SSBP2: variants seen among roughly 807,000 people sequenced by gnomAD.
SSBP2 encodes the protein single stranded DNA binding protein 2.
A neutral mutation model predicts 61.8 loss-of-function variants in SSBP2; 17 were observed. That is an observed-to-expected ratio of 0.28 (90% CI 0.19 to 0.41). SSBP2 has a LOEUF of 0.41. SSBP2 is among the 10% of genes least tolerant of loss of function. The probability of loss-of-function intolerance (pLI) is 1.00; values close to 1 mark genes in which losing one functional copy is unlikely to be tolerated. For synonymous variants in SSBP2, 139 were observed against 141.3 expected, an observed-to-expected ratio of 0.98 and a Z score of 0.12; for missense variants, 310 against 458.7, an observed-to-expected ratio of 0.68 and a Z score of 2.96.
chr5:81,514,823 A>G (rs1768889886), intron 4 of SSBP2, among the ~76,000 whole-genome samples: 1 of 152,056 alleles, frequency 6.6e-6, no homozygotes, highest in Non-Finnish European at 1.5e-5. Context: ...ACAGTTGTTA[A>G]TAATTAAGGC....
intron 4 of SSBP2, among the ~76,000 whole-genome samples, chr5:81,561,433 A>T (rs1475220290): frequency 6.6e-6 from 1 of 152,198 alleles, no homozygotes. Context: ...ATCTTAAAAA[A>T]TAATTCTATT....
intron 10 of SSBP2, among the ~76,000 whole-genome samples, chr5:81,453,466 T>C (rs1385949795): frequency 6.7e-6 from 1 of 149,506 alleles, no homozygotes; most frequent in African/African-American, 2.5e-5. Flanking sequence ...CTTTTTTTTT[T>C]TTTTTTTTTT....
intron 4 of SSBP2, among the ~76,000 whole-genome samples, chr5:81,521,428 A>G (rs1214516535): frequency 2.0e-5 from 3 of 151,984 alleles, no homozygotes; most frequent in African/African-American, 4.8e-5. Context: ...CTTGAGTTTT[A>G]ATTTTTATAC....
intron 4 of SSBP2, among the ~76,000 whole-genome samples, chr5:81,586,548 C>T (rs1049116675): frequency 4.0e-5 from 6 of 148,798 alleles, no homozygotes; most frequent in African/African-American, 1.5e-4. Context: ...CATGAGGAAA[C>T]ATTCCAGTTC....
chr5:81,529,190 T>C (rs1314094229), intron 4 of SSBP2, among the ~76,000 whole-genome samples: 1 of 151,942 alleles, frequency 6.6e-6, no homozygotes, highest in South Asian at 2.1e-4. Context: ...TAATACAGAG[T>C]AGTAAAAACA....
intron 4 of SSBP2, among the ~76,000 whole-genome samples, chr5:81,597,731 C>T (rs936403556): frequency 6.6e-6 from 1 of 151,656 alleles, no homozygotes; most frequent in Admixed American, 6.6e-5. Context: ...AACTGGAAAC[C>T]ATCATTCTCA....
chr5:81,569,184 T>C (rs1370730052), intron 4 of SSBP2, among the ~76,000 whole-genome samples: 1 of 152,202 alleles, frequency 6.6e-6, no homozygotes, highest in Non-Finnish European at 1.5e-5. Context: ...TTAAATTACA[T>C]ACAGTAAAAT....
rs560752355 is a variant in SSBP2, at chr5:81,655,428, CATTG to C, written c.63-5093_63-5090del. On this transcript the variant is annotated intron_variant, in intron 1 of 16. Transcript: ENST00000320672. ...AGTAGAACCAGTCGTTTTTAAAAAA[CATTG>C]ATTAATGAAAAAGCCTATCAATGAT... Among the ~76,000 whole-genome samples the C allele has an allele frequency of 5.3e-3, 802 of 150,454 alleles. 6 individuals are homozygous for C. Among genetic ancestry groups the C allele is most frequent in the African/African-American group, 0.018 (757 of 41,122 alleles).
intron 16 of SSBP2, among the ~76,000 whole-genome samples, chr5:81,422,516 C>T (rs1182896702): frequency 6.6e-6 from 1 of 152,146 alleles, no homozygotes; most frequent in Non-Finnish European, 1.5e-5. Flanking sequence ...TGCATTACAT[C>T]AAGGAAAATC....
At chr5:81,727,478 G>A (rs1219149879) in intron 1 of SSBP2, among the ~76,000 whole-genome samples, 4 of 152,130 alleles carry the variant, frequency 2.6e-5, no homozygotes, top group Non-Finnish European at 4.4e-5. Flanking sequence ...GAACCCAGGA[G>A]GCAGAGGTTG....
intron 1 of SSBP2, among the ~76,000 whole-genome samples, chr5:81,697,417 G>A (rs554516440): frequency 6.6e-6 from 1 of 152,250 alleles, no homozygotes. Flanking sequence ...ATATTCTTAA[G>A]TATGCTTTTA....
intron 4 of SSBP2, among the ~76,000 whole-genome samples, chr5:81,525,842 C>T (rs1205084911): frequency 6.6e-6 from 1 of 151,982 alleles, no homozygotes; most frequent in Non-Finnish European, 1.5e-5. Context: ...CTAGAATGGC[C>T]CTGTCTTAGA....
intron 3 of SSBP2, among the ~76,000 whole-genome samples, chr5:81,627,959 G>A (rs928233523): frequency 6.6e-6 from 1 of 152,048 alleles, no homozygotes; most frequent in African/African-American, 2.4e-5. Flanking sequence ...CAGCTACTCA[G>A]GAGGCTTAGG....
chr5:81,736,189 CT>C (rs1159317083), intron 1 of SSBP2, among the ~76,000 whole-genome samples: 21 of 15,162 alleles, frequency 1.4e-3, no homozygotes, highest in African/African-American at 4.8e-3. Flanking sequence ...CACACACACA[CT>C]CTACGGCACT....
chr5:81,573,508 C>A (rs1384219503), intron 4 of SSBP2, among the ~76,000 whole-genome samples: 1 of 152,146 alleles, frequency 6.6e-6, no homozygotes, highest in African/African-American at 2.4e-5. Flanking sequence ...GGGTTATAGT[C>A]TTGGACTTAG....
chr5:81,704,908 C>A (rs1176570360), intron 1 of SSBP2, among the ~76,000 whole-genome samples: 1 of 150,028 alleles, frequency 6.7e-6, no homozygotes, highest in Non-Finnish European at 1.5e-5. Context: ...GAATATTTAA[C>A]GTGTTAATCT....
intron 4 of SSBP2, among the ~76,000 whole-genome samples, chr5:81,516,234 T>C (rs1769010219): frequency 6.6e-6 from 1 of 152,096 alleles, no homozygotes; most frequent in South Asian, 2.1e-4. Flanking sequence ...CATTTCAAGA[T>C]GTACCACATT....
At chr5:81,471,504 A>G (rs11742106) in intron 8 of SSBP2, among the ~76,000 whole-genome samples, 37,355 of 151,616 alleles carry the variant, frequency 0.25, 4,802 homozygotes, top group Non-Finnish European at 0.28. Flanking sequence ...TTGGAAAAAA[A>G]TCCTTTAACA....
intron 16 of SSBP2, among the ~76,000 whole-genome samples, chr5:81,427,349 A>T (rs530698977): frequency 2.6e-5 from 4 of 152,170 alleles, no homozygotes; most frequent in Non-Finnish European, 5.9e-5. Flanking sequence ...ACTGTTACAC[A>T]TAAAAAATTA....
Sources: gnomAD v4.1 joint callset for allele counts (sites outside exome capture counted in the v4.1 genomes callset) on GRCh38, gnomAD v4.1.1 for gene constraint, MANE v1.5 for transcripts, NCBI Gene and HGNC (gene_info 2026-07-23, HGNC 2026-07-21) for gene names.